The following TNC variants were observed in gnomAD, a reference collection of about 807,000 sequenced individuals.
TNC encodes the protein tenascin C.
In TNC, 109 loss-of-function variants were observed where a neutral mutation model predicts 202.4. The observed-to-expected ratio is 0.54, with a 90% CI of 0.46 to 0.63. The LOEUF (loss-of-function observed/expected upper bound fraction) is 0.63, where lower values mean the gene tolerates loss of function less well. Ranked by LOEUF, TNC falls within the 30% of genes least tolerant of loss-of-function variation. TNC has a pLI of 0.00. For synonymous variants in TNC, 1,007 were observed against 1,089.7 expected, an observed-to-expected ratio of 0.92 and a Z score of 1.50; for missense variants, 2,756 against 2,833.3, an observed-to-expected ratio of 0.97 and a Z score of 0.62.
chr9:115,106,636 T>C (rs565173655), intron 1 of TNC, among the ~76,000 whole-genome samples: 5 of 152,146 alleles, frequency 3.3e-5, no homozygotes, highest in Non-Finnish European at 5.9e-5. Context: ...GAGTCTGACC[T>C]GAAGAGAAGG....
chr9:115,063,984 G>A lies in TNC; in HGVS notation c.3572C>T (p.Ala1191Val), dbSNP rs1832747512. The A allele has an allele frequency of 3.1e-6, 5 of 1,613,962 alleles. No individual in the cohort carries two copies. The South Asian group carries it at 4.4e-5, about 14-fold the overall frequency. Residue 1191 changes from alanine (A) to valine (V), a missense_variant, in exon 12 of 28, where the codon GCC becomes GTC. Physicochemically the swap from Ala to Val is moderately conservative, Grantham distance 64. Around this residue, in one of 2 missense-constraint regions of TNC, gnomAD observed 2,559 missense variants for 2,546.0 expected, o/e 1.01. Coordinates refer to ENST00000350763, the MANE Select transcript of TNC (RefSeq NM_002160.4). The part of the protein sequence containing the change: ...LKLNWTAPEG[A>V]YEYFFIQVQE... ...CACCTGAATGAAAAAGTACTCATAG[G>A]CCCCTTCTGGAGCAGTCCAGTTGAG...
At chr9:115,036,330 A>G in intron 20 of TNC, 89 bp from the exon 21 acceptor site, 3 of 1,433,142 alleles carry the variant, frequency 2.1e-6, no homozygotes, top group Non-Finnish European at 2.9e-6. Context: ...ACCTCCTTCG[A>G]ACATCGAAAC....
intron 1 of TNC, among the ~76,000 whole-genome samples, chr9:115,100,450 C>T (rs1836141743): frequency 6.6e-6 from 1 of 152,200 alleles, no homozygotes; most frequent in Non-Finnish European, 1.5e-5. Flanking sequence ...TCACATGAAA[C>T]TTATTTGCCA....
At chr9:115,082,004 A>C (rs1013142614) in intron 5 of TNC, 76 bp from the exon 6 acceptor site, 9 of 1,355,384 alleles carry the variant, frequency 6.6e-6, no homozygotes, top group East Asian at 2.4e-5. Flanking sequence ...TTCACTCTGC[A>C]TTCATTCATT....
intron 19 of TNC, among the ~76,000 whole-genome samples, chr9:115,039,120 G>T (rs545977718): frequency 6.6e-6 from 1 of 151,738 alleles, no homozygotes; most frequent in African/African-American, 2.4e-5. Context: ...GTGAGTCACC[G>T]CACCTGGCCC....
Position 115,046,493 on chromosome 9 carries a change from C to T in TNC, c.5042G>A (p.Arg1681Lys), listed in dbSNP as rs1831203146. 6.2e-7 allele frequency: 1 copy of T among 1,614,194 alleles called. No individual in the cohort carries two copies. The highest frequency in any genetic ancestry group is 8.5e-7 in the Non-Finnish European group (1 of 1,180,002). ...TTCAATTTCGTATTCAGTAGCCTCTCTGAGACCTGTTATGTCCCTGGTACG... is the reference window on the plus strand; with the variant it reads ...TTCAATTTCGTATTCAGTAGCCTCTTTGAGACCTGTTATGTCCCTGGTACG... ...PERTRDITGL[R>K]EATEYEIELY... Residue 1681 changes from arginine (R) to lysine (K), a missense_variant, in exon 17 of 28, where the codon AGA (arginine) becomes AAA (lysine). Transcript: ENST00000350763.
chr9:115,048,394 T>TGGGG lies in TNC; in HGVS notation c.4714_4717dup (p.Gln1573ProfsTer16), dbSNP rs1280918455. On this transcript the variant is annotated frameshift_variant, in exon 16 of 28. Transcript: ENST00000350763. LOFTEE classifies it high-confidence loss of function. ...CTGGGTTCCTGAAAGTGTGAATTCC[T>TGGGG]GGGGGTCCAGCAGCTTCCCAGAATC... 1.2e-6 allele frequency: 2 copies of TGGGG among 1,613,942 alleles called. No homozygotes were observed. Among genetic ancestry groups the TGGGG allele is most frequent in the East Asian group, 4.5e-5 (2 of 44,884 alleles).
chr9:115,115,441 G>C (rs1432000151), intron 1 of TNC, among the ~76,000 whole-genome samples: 1 of 152,166 alleles, frequency 6.6e-6, no homozygotes, highest in Non-Finnish European at 1.5e-5. Flanking sequence ...CCTTGGTAAA[G>C]TTATTCAGTC....
At chr9:115,043,906 G>A (rs1415696950) in intron 17 of TNC, among the ~76,000 whole-genome samples, 1 of 152,182 alleles carries the variant, frequency 6.6e-6, no homozygotes, top group African/African-American at 2.4e-5. Flanking sequence ...TAGCTAATAT[G>A]GTTACTGTGG....
At chr9:115,108,404 G>T (rs1228668416) in intron 1 of TNC, among the ~76,000 whole-genome samples, 1 of 152,102 alleles carries the variant, frequency 6.6e-6, no homozygotes, top group Non-Finnish European at 1.5e-5. Context: ...ACCATCCATT[G>T]GCTTCTAACC....
In TNC at chr9:115,020,537, A is replaced by G. The variant is rs145724394; in HGVS notation, c.*620T>C. The G allele has an allele frequency of 4.3e-5, 10 of 230,046 alleles. No individual in the cohort carries two copies. The highest frequency in any genetic ancestry group is 6.0e-5 in the Non-Finnish European group (7 of 116,074). 14.3% of individuals were successfully genotyped at this position (230,046 alleles called of 1,614,324 possible). A position where few individuals can be genotyped will look rare whatever the true frequency, so the allele number is the denominator to read the frequency against. On this transcript the variant is annotated 3_prime_UTR_variant, in exon 28 of 28. Transcript: ENST00000350763. ...AATTCAAAGCAAAATAACAAACTCA[A>G]AAGTACTTGTGCTTTTATTTAAAAA... is the stretch of plus-strand genomic sequence containing the variant.
At chr9:115,094,555 T>C (rs538807096) in intron 1 of TNC, among the ~76,000 whole-genome samples, 1 of 152,310 alleles carries the variant, frequency 6.6e-6, no homozygotes, top group South Asian at 2.1e-4. Flanking sequence ...CATGTTCTGA[T>C]AGTAGGACTT....
chr9:115,063,959 C>A lies in TNC; in HGVS notation c.3597G>T (p.Val1199=), dbSNP rs764479295. ...EGAYEYFFIQ[V]QEADTVEAAQ... Reference sequence around the variant, plus strand: ...CTGCCTCTACTGTGTCAGCCTCCTGCACCTGAATGAAAAAGTACTCATAGG... The same window carrying A: ...CTGCCTCTACTGTGTCAGCCTCCTGAACCTGAATGAAAAAGTACTCATAGG... Residue 1199 remains valine, a synonymous_variant, in exon 12 of 28, where the codon GTG becomes GTT. Transcript: ENST00000350763. 1.2e-6 allele frequency: 2 copies of A among 1,614,138 alleles called. No individual in the cohort carries two copies. Among genetic ancestry groups the A allele is most frequent in the Non-Finnish European group, 1.7e-6 (2 of 1,180,016 alleles).
intron 27 of TNC, among the ~76,000 whole-genome samples, chr9:115,023,246 C>T (rs1046592797): frequency 1.3e-5 from 2 of 152,136 alleles, no homozygotes; most frequent in African/African-American, 4.8e-5. Context: ...GGGATGGTGA[C>T]TAACTTCTGT....
At position 115,081,818 on chromosome 9, in the gene TNC, C is replaced by T. The variant is rs2133317294; in HGVS notation, c.2358G>A (p.Val786=). 1 of 1,613,442 alleles carries T rather than the reference C, an allele frequency of 6.2e-7. No individual in the cohort carries two copies. The highest frequency in any genetic ancestry group is 2.2e-5 in the East Asian group (1 of 44,878). The part of the protein sequence containing the change: ...GQEYEISLHI[V]KNNTRGPGLK... ...GGCCAGGGCCCCGGGTATTGTTTTT[C>T]ACTATGTGCAGAGATATCTCATACT... The change falls in exon 6 of 28, where the codon GTG becomes GTA. Residue 786 remains valine, a synonymous_variant. Transcript: ENST00000350763.
At position 115,025,680 on chromosome 9, in the gene TNC, T is replaced by C. The variant is rs555951808; in HGVS notation, c.6331+854A>G. On this transcript the variant is annotated intron_variant, in intron 26 of 27. Transcript: ENST00000350763. ...GCTCTTCTGAACTTCTTTCCTCCTC[T>C]GTATAAAAACAACGTCTTCATAAAA... is the stretch of plus-strand genomic sequence containing the variant. Among the ~76,000 whole-genome samples, 25 of 152,320 alleles carry C rather than the reference T, an allele frequency of 1.6e-4. No individual in the cohort carries two copies. The South Asian group carries it at 4.8e-3, about 29-fold the overall frequency.
intron 2 of TNC, among the ~76,000 whole-genome samples, chr9:115,088,327 A>C (rs1274003601): frequency 6.6e-6 from 1 of 152,182 alleles, no homozygotes; most frequent in Non-Finnish European, 1.5e-5. Flanking sequence ...AAAACATTCT[A>C]ATTTTCCGCA....
intron 15 of TNC, among the ~76,000 whole-genome samples, chr9:115,054,769 C>T (rs1334243306): frequency 6.6e-6 from 1 of 152,168 alleles, no homozygotes; most frequent in Non-Finnish European, 1.5e-5. Flanking sequence ...GAAAAAGAAA[C>T]ATTTTCAAAA....
At chr9:115,034,342 C>A (rs1830161284) in intron 22 of TNC, among the ~76,000 whole-genome samples, 2 of 152,206 alleles carry the variant, frequency 1.3e-5, no homozygotes, top group Non-Finnish European at 2.9e-5. Context: ...ACAAGCCCTG[C>A]CTGAGCTAAC....
Sources: allele counts gnomAD v4.1 joint callset (sites outside exome capture counted in the v4.1 genomes callset), GRCh38; gene constraint gnomAD v4.1.1; regional missense constraint gnomAD v4.1.1; transcripts MANE v1.5; gene names NCBI Gene and HGNC (gene_info 2026-07-23, HGNC 2026-07-21).